ARHGEF28: variants seen among roughly 807,000 people sequenced by gnomAD.
ARHGEF28 encodes the protein Rho guanine nucleotide exchange factor 28.
ARHGEF28 carries 152 observed loss-of-function variants against 206.6 expected under a neutral mutation model. The observed-to-expected ratio is 0.74, with a 90% CI of 0.64 to 0.84. The LOEUF (loss-of-function observed/expected upper bound fraction) is 0.84, where lower values mean the gene tolerates loss of function less well. Ranked by LOEUF, ARHGEF28 falls within the 40% of genes least tolerant of loss-of-function variation. The pLI is 0.00. For synonymous variants in ARHGEF28, 763 were observed against 776.4 expected (o/e 0.98, Z 0.29); for missense variants, 2,028 against 2,073.2 (o/e 0.98, Z 0.42).
chr5:73,671,900 C>T (rs377515281), intron 1 of ARHGEF28, among the ~76,000 whole-genome samples: 1 of 150,954 alleles, frequency 6.6e-6, no homozygotes, highest in African/African-American at 2.4e-5. Context: ...GGATTACAGG[C>T]GTCTGCCACC....
chr5:73,801,264 G>A (rs533400361), intron 9 of ARHGEF28, among the ~76,000 whole-genome samples: 6 of 151,934 alleles, frequency 3.9e-5, no homozygotes, highest in Admixed American at 2.0e-4. Context: ...GGCTAACATG[G>A]TGAAACCCGG....
chr5:73,706,768 C>A (rs1748958990), intron 2 of ARHGEF28, among the ~76,000 whole-genome samples: 1 of 152,198 alleles, frequency 6.6e-6, no homozygotes, highest in Non-Finnish European at 1.5e-5. Flanking sequence ...TAGGGGAGGT[C>A]AAGATGCTGC....
intron 2 of ARHGEF28, among the ~76,000 whole-genome samples, chr5:73,732,842 A>G (rs951851027): frequency 4.6e-5 from 7 of 152,204 alleles, no homozygotes; most frequent in African/African-American, 9.6e-5. Flanking sequence ...GAAACACACA[A>G]ACAGTAGGAA....
intron 6 of ARHGEF28, 25 bp downstream of exon 6, chr5:73,776,721 G>GTGA (rs775872042): frequency 2.5e-6 from 4 of 1,575,022 alleles, no homozygotes; most frequent in Non-Finnish European, 3.5e-6. Context: ...ATTCTAGCAT[G>GTGA]TGATAATGCA....
chr5:73,845,842 G>T (rs1308882676), intron 11 of ARHGEF28, among the ~76,000 whole-genome samples: 1 of 151,800 alleles, frequency 6.6e-6, no homozygotes, highest in Non-Finnish European at 1.5e-5. Context: ...ACAAAAATTG[G>T]CCGGGCGTGG....
intron 22 of ARHGEF28, among the ~76,000 whole-genome samples, chr5:73,881,067 A>G (rs1253260750): frequency 8.1e-5 from 12 of 148,982 alleles, no homozygotes; most frequent in African/African-American, 2.5e-4. Flanking sequence ...TGGCTGTCCA[A>G]TTGCTCCAGT....
intron 22 of ARHGEF28, among the ~76,000 whole-genome samples, chr5:73,878,991 G>T (rs1172352619): frequency 6.6e-6 from 1 of 152,178 alleles, no homozygotes; most frequent in African/African-American, 2.4e-5. Context: ...GATTGGGGAA[G>T]TTCTCCTGGA....
At chr5:73,929,555 G>C (rs1763996440) in intron 35 of ARHGEF28, among the ~76,000 whole-genome samples, 1 of 152,106 alleles carries the variant, frequency 6.6e-6, no homozygotes, top group South Asian at 2.1e-4. Context: ...GTGTGCAGTA[G>C]TTTAATACAT....
chr5:73,852,650 A>G lies in ARHGEF28; in HGVS notation c.1748A>G (p.Glu583Gly). 6.2e-7 allele frequency: 1 copy of G among 1,613,518 alleles called. No individual in the cohort carries two copies. Among genetic ancestry groups the G allele is most frequent in the Non-Finnish European group, 8.5e-7 (1 of 1,179,674 alleles). ...CATTTTATTGTTCTGTGTCTTGTAG[A>G]GCAAAGAGCTTACAGCTTATCGGAG... ...RELTVCSSSE[E>G]QRAYSLSEPP... Residue 583 changes from glutamate to glycine, a missense_variant and splice_region_variant, in exon 14 of 36, where the codon GAG becomes GGG. Around this residue, in one of 3 missense-constraint regions of ARHGEF28, gnomAD observed 1,002 missense variants for 1,015.3 expected, o/e 0.99. Transcript: ENST00000513042.
intron 1 of ARHGEF28, among the ~76,000 whole-genome samples, chr5:73,656,572 A>G (rs891609346): frequency 5.3e-5 from 8 of 152,070 alleles, no homozygotes; most frequent in Non-Finnish European, 1.0e-4. Context: ...CTCAGACACC[A>G]TCATCTCTTC....
At chr5:73,928,379 G>C (rs1763932739) in intron 35 of ARHGEF28, among the ~76,000 whole-genome samples, 1 of 152,160 alleles carries the variant, frequency 6.6e-6, no homozygotes. Context: ...TCGCGCCACT[G>C]CACTCCAGCC....
At chr5:73,938,289 T>C (rs1291655317) in intron 35 of ARHGEF28, among the ~76,000 whole-genome samples, 1 of 152,070 alleles carries the variant, frequency 6.6e-6, no homozygotes, top group East Asian at 1.9e-4. Flanking sequence ...TTATTTCTGA[T>C]ATATATTCAA....
At chr5:73,704,102 G>T (rs1490583129) in intron 2 of ARHGEF28, among the ~76,000 whole-genome samples, 1 of 152,028 alleles carries the variant, frequency 6.6e-6, no homozygotes, top group Admixed American at 6.6e-5. Flanking sequence ...ATGGCATTTA[G>T]GACATTTCCT....
At chr5:73,707,947 A>C (rs982820333) in intron 2 of ARHGEF28, among the ~76,000 whole-genome samples, 1 of 152,092 alleles carries the variant, frequency 6.6e-6, no homozygotes, top group African/African-American at 2.4e-5. Context: ...AGTTCATTCT[A>C]GTATTCACTC....
intron 35 of ARHGEF28, among the ~76,000 whole-genome samples, chr5:73,936,154 T>G (rs180904495): frequency 6.6e-6 from 1 of 152,206 alleles, no homozygotes; most frequent in East Asian, 1.9e-4. Context: ...ACTTTTAAAC[T>G]GTAAGACAAC....
chr5:73,760,752 T>C (rs973142348), intron 4 of ARHGEF28, among the ~76,000 whole-genome samples: 7 of 152,338 alleles, frequency 4.6e-5, no homozygotes, highest in Non-Finnish European at 8.8e-5. Context: ...GAATTTAATA[T>C]AGAATTAAAC....
At chr5:73,779,582 C>A (rs1320526147) in intron 6 of ARHGEF28, among the ~76,000 whole-genome samples, 1 of 152,166 alleles carries the variant, frequency 6.6e-6, no homozygotes, top group East Asian at 1.9e-4. Flanking sequence ...TAAGGTTCAG[C>A]CCAAGTAGAC....
At chr5:73,657,172 C>CAAAA (rs76970237) in intron 1 of ARHGEF28, among the ~76,000 whole-genome samples, 9 of 94,536 alleles carry the variant, frequency 9.5e-5, no homozygotes, top group South Asian at 3.7e-4. Flanking sequence ...GACTCCGTCC[C>CAAAA]AAAAAAAAAA....
intron 9 of ARHGEF28, among the ~76,000 whole-genome samples, chr5:73,830,573 A>G (rs1757234825): frequency 6.6e-6 from 1 of 152,028 alleles, no homozygotes; most frequent in Non-Finnish European, 1.5e-5. Flanking sequence ...AAAAAAAAAA[A>G]AAAAGAAAAT....
Sources: allele counts gnomAD v4.1 joint callset (sites outside exome capture counted in the v4.1 genomes callset), GRCh38; gene constraint gnomAD v4.1.1; regional missense constraint gnomAD v4.1.1; transcripts MANE v1.5; gene names NCBI Gene and HGNC (gene_info 2026-07-23, HGNC 2026-07-21).